OR10J1: variants seen among roughly 807,000 people sequenced by gnomAD.
The protein encoded by OR10J1 is olfactory receptor 10J1.
For missense variants in OR10J1, 474 were observed against 376.6 expected, an observed-to-expected ratio of 1.26 and a Z score of -2.14; for synonymous variants, 202 against 143.8, an observed-to-expected ratio of 1.40 and a Z score of -2.89.
chr1:159,404,181 G>C, the OR10J1 span, among the ~76,000 whole-genome samples: 3 of 151,928 alleles, frequency 2.0e-5, no homozygotes, highest in Non-Finnish European at 4.4e-5. Context: ...AATAAATAAG[G>C]CCTACTATTT....
chr1:159,418,415 C>A, the OR10J1 span, among the ~76,000 whole-genome samples: 1 of 152,166 alleles, frequency 6.6e-6, no homozygotes, highest in Non-Finnish European at 1.5e-5. Context: ...TTAAAAGGGA[C>A]CAAGGTACAG....
the OR10J1 span, among the ~76,000 whole-genome samples, chr1:159,408,168 A>G: frequency 6.6e-6 from 1 of 152,090 alleles, no homozygotes; most frequent in Non-Finnish European, 1.5e-5. Flanking sequence ...CTCAGTGGTT[A>G]CATATGGAGG....
At position 159,440,756 on chromosome 1, in the gene OR10J1, T is replaced by C. The variant is rs772340507; in HGVS notation, c.*35T>C. 2 of 1,584,396 alleles carry C rather than the reference T, an allele frequency of 1.3e-6. No homozygotes were observed. Among genetic ancestry groups the C allele is most frequent in the Non-Finnish European group, 1.7e-6 (2 of 1,162,710 alleles). On this transcript the variant is annotated 3_prime_UTR_variant, in exon 1 of 1. Coordinates refer to ENST00000423932, the MANE Select transcript of OR10J1 (RefSeq NM_012351.3). ...AAGAGTTCTCCTGAGGCTGTCAACATCCACACTAGGCAGGAATATGAGGTG... is the reference window on the plus strand; with the variant it reads ...AAGAGTTCTCCTGAGGCTGTCAACACCCACACTAGGCAGGAATATGAGGTG...
the OR10J1 span, among the ~76,000 whole-genome samples, chr1:159,399,570 CAAAAAAA>C: frequency 6.0e-3 from 339 of 56,126 alleles, 3 homozygotes; most frequent in Admixed American, 8.2e-3. Context: ...GATTCTGTCT[CAAAAAAA>C]AAAAAAAAAA....
At chr1:159,439,704 T>A, upstream of OR10J1, 2 of 1,537,626 alleles carry the variant, frequency 1.3e-6, no homozygotes, top group Non-Finnish European at 1.8e-6. Flanking sequence ...ACTATTGAAC[T>A]TCAATCAATT....
the OR10J1 span, among the ~76,000 whole-genome samples, chr1:159,429,303 G>A: frequency 6.6e-6 from 1 of 152,206 alleles, no homozygotes; most frequent in African/African-American, 2.4e-5. Context: ...ATTTGCTGAA[G>A]AAATCAGTAA....
chr1:159,430,666 T>TGCGC, the OR10J1 span, among the ~76,000 whole-genome samples: 3 of 71,900 alleles, frequency 4.2e-5, no homozygotes, highest in African/African-American at 1.2e-4. Context: ...TGTGTGTGTG[T>TGCGC]GTGCGCGCGC....
chr1:159,411,390 G>A, the OR10J1 span, among the ~76,000 whole-genome samples: 1 of 152,038 alleles, frequency 6.6e-6, no homozygotes, highest in African/African-American at 2.4e-5. Flanking sequence ...TCCTGTATTG[G>A]GTGCATATAT....
the OR10J1 span, among the ~76,000 whole-genome samples, chr1:159,402,277 A>G: frequency 6.6e-6 from 1 of 152,124 alleles, no homozygotes; most frequent in Non-Finnish European, 1.5e-5. Flanking sequence ...GACAAGAGAA[A>G]GAAATAAAGG....
chr1:159,440,139 A>G lies in OR10J1; in HGVS notation c.348A>G (p.Thr116=). 1 of 1,614,130 alleles carries G rather than the reference A, an allele frequency of 6.2e-7. No individual in the cohort carries two copies. The highest frequency in any genetic ancestry group is 8.5e-7 in the Non-Finnish European group (1 of 1,180,012). ...TFGITNCFLL[T]AMGYDRYVAI... is the part of the protein sequence containing the mutation. ...GCATCACTAACTGCTTCCTGCTCACAGCAATGGGATATGACCGCTATGTGG... is the reference window on the plus strand; with the variant it reads ...GCATCACTAACTGCTTCCTGCTCACGGCAATGGGATATGACCGCTATGTGG... Residue 116 remains threonine (T), a synonymous_variant, in exon 1 of 1, where the codon ACA becomes ACG. Transcript: ENST00000423932.
At chr1:159,408,439 G>A in the OR10J1 span, among the ~76,000 whole-genome samples, 1 of 144,956 alleles carries the variant, frequency 6.9e-6, no homozygotes, top group East Asian at 2.1e-4. Context: ...CACAGGAAGG[G>A]GAACATCACA....
the OR10J1 span, among the ~76,000 whole-genome samples, chr1:159,417,650 A>C: frequency 2.6e-5 from 4 of 152,306 alleles, no homozygotes; most frequent in African/African-American, 9.6e-5. Flanking sequence ...AGTCTTTATT[A>C]GCAGTGCAAG....
the OR10J1 span, among the ~76,000 whole-genome samples, chr1:159,410,380 G>T: frequency 1.3e-5 from 2 of 152,252 alleles, no homozygotes; most frequent in African/African-American, 4.8e-5. Flanking sequence ...TTCAGAGCCT[G>T]TAATTGGTCT....
chr1:159,430,948 G>A, the OR10J1 span, among the ~76,000 whole-genome samples: 2 of 151,870 alleles, frequency 1.3e-5, no homozygotes, highest in Admixed American at 6.6e-5. Flanking sequence ...TTTACACTGG[G>A]GTTAAAGCCA....
At chr1:159,406,960 C>T in the OR10J1 span, among the ~76,000 whole-genome samples, 22 of 152,208 alleles carry the variant, frequency 1.4e-4, no homozygotes, top group South Asian at 4.6e-3. Context: ...GGGCGAGCCA[C>T]CCAAACTACA....
At position 159,440,323 on chromosome 1, in the gene OR10J1, T is replaced by C. The variant is rs1299544977; in HGVS notation, c.532T>C (p.Cys178Arg). The stretch of plus-strand genomic sequence containing the variant: ...TGCTAGAAAGGTGCCCCACTTCTTC[T>C]GTGACATCCGCCCTGTGATGAAGCT... ...FCARKVPHFF[C>R]DIRPVMKLSC... The change falls in exon 1 of 1, where the codon TGT becomes CGT. Residue 178 changes from cysteine to arginine, a missense_variant. Cys to Arg is a radical substitution (Grantham distance 180). Transcript: ENST00000423932. 1 of 1,614,196 alleles carries C rather than the reference T, an allele frequency of 6.2e-7. No individual in the cohort carries two copies. Among genetic ancestry groups the C allele is most frequent in the South Asian group, 1.1e-5 (1 of 91,078 alleles).
At chr1:159,401,908 G>A in the OR10J1 span, among the ~76,000 whole-genome samples, 1 of 151,986 alleles carries the variant, frequency 6.6e-6, no homozygotes, top group Non-Finnish European at 1.5e-5. Context: ...TGACCAAGTG[G>A]GATTTAATCC....
chr1:159,437,333 C>T (rs888377511), upstream of OR10J1, among the ~76,000 whole-genome samples: 1 of 152,080 alleles, frequency 6.6e-6, no homozygotes, highest in Non-Finnish European at 1.5e-5. Context: ...TATTTAAATA[C>T]TTCTTTTCCA....
chr1:159,405,054 T>C, the OR10J1 span, among the ~76,000 whole-genome samples: 1 of 152,180 alleles, frequency 6.6e-6, no homozygotes, highest in Admixed American at 6.6e-5. Context: ...TGGCTCACCA[T>C]GGGCTCCATA....
Sources: allele counts gnomAD v4.1 joint callset (sites outside exome capture counted in the v4.1 genomes callset), GRCh38; gene constraint gnomAD v4.1.1; transcripts MANE v1.5; gene names NCBI Gene and HGNC (gene_info 2026-07-23, HGNC 2026-07-21).